HMGCL: variants seen among roughly 807,000 people sequenced by gnomAD.
HMGCL encodes the protein 3-hydroxy-3-methylglutaryl-CoA lyase, also known as hydroxymethylglutaryl-CoA lyase, mitochondrial.
Under a neutral mutation model 37.3 loss-of-function variants are expected in HMGCL, and 26 were observed. That is an observed-to-expected ratio of 0.70 (90% CI 0.51 to 0.97). HMGCL has a LOEUF of 0.97. HMGCL is among the 50% of genes least tolerant of loss of function. The probability of loss-of-function intolerance (pLI) is 0.00; values close to 1 mark genes in which losing one functional copy is unlikely to be tolerated. For synonymous variants in HMGCL, 151 were observed against 148.0 expected (o/e 1.02, Z -0.15); for missense variants, 379 against 398.1 (o/e 0.95, Z 0.41).
At chr1:23,814,496 G>A (rs184781695) in intron 4 of HMGCL, among the ~76,000 whole-genome samples, 158 bp from the exon 5 acceptor site, 179 of 152,198 alleles carry the variant, frequency 1.2e-3, no homozygotes, top group African/African-American at 4.2e-3. Flanking sequence ...TCAGCCTCCT[G>A]AGTAGCTGGG....
intron 6 of HMGCL, chr1:23,809,438 C>A (rs1191131169): frequency 6.6e-6 from 1 of 151,336 alleles, no homozygotes; most frequent in Non-Finnish European, 1.5e-5. Flanking sequence ...CGGGGTTGCA[C>A]CATGTTAGCC....
At chr1:23,817,844 G>A (rs994870635) in intron 2 of HMGCL, among the ~76,000 whole-genome samples, 1 of 152,210 alleles carries the variant, frequency 6.6e-6, no homozygotes, top group African/African-American at 2.4e-5. Flanking sequence ...CTAACCCTCT[G>A]GGGAGTATGG....
At chr1:23,805,815 G>A (rs2256179) in intron 7 of HMGCL, among the ~76,000 whole-genome samples, 87,588 of 151,878 alleles carry the variant, frequency 0.58, 25,163 homozygotes, top group South Asian at 0.71. Flanking sequence ...ATCAGAACAC[G>A]AACTGCTGAG....
In HMGCL at chr1:23,810,500, G is replaced by T. The variant is rs1047991887; in HGVS notation, c.561+236C>A. Reference sequence around the variant, plus strand: ...AACGACCAGACTGGAAACTGAATTGGAGGTTTTCAGGCTGGATAGAGGCCA... The same window carrying T: ...AACGACCAGACTGGAAACTGAATTGTAGGTTTTCAGGCTGGATAGAGGCCA... On this transcript the variant is annotated intron_variant, in intron 6 of 8. Transcript: ENST00000374490. 49 of 509,296 alleles carry T rather than the reference G, an allele frequency of 9.6e-5. 1 individual carries two copies. The highest frequency in any genetic ancestry group is 8.2e-4 in the African/African-American group (42 of 51,474). The allele number at this position is 509,296 out of a possible 1,614,324, so 31.5% of individuals were successfully genotyped here.
At chr1:23,824,508 T>C (rs1638780937) in intron 1 of HMGCL, among the ~76,000 whole-genome samples, 1 of 152,208 alleles carries the variant, frequency 6.6e-6, no homozygotes, top group South Asian at 2.1e-4. Flanking sequence ...AACGTGGCTT[T>C]CTGAGAGGGA....
chr1:23,814,521 C>T lies in HMGCL; in HGVS notation c.349-183G>A, dbSNP rs11591205. On this transcript the variant is annotated intron_variant, in intron 4 of 8. Transcript: ENST00000374490. ...GAGTAGCTGGGATTACAGGAGCCCA[C>T]CACCACGCCCGGCTAATTTTTGTAT... 0.27 allele frequency among the ~76,000 whole-genome samples: 40,333 copies of T among 152,012 alleles called. 5,983 individuals are homozygous for T. Among genetic ancestry groups the T allele is most frequent in the Non-Finnish European group, 0.34 (22,821 of 67,950 alleles).
rs988900746 is a variant in HMGCL, at chr1:23,822,405, CT to C, written c.61-1813del. Reference sequence around the variant, plus strand: ...GTCTTCCCTATCAAGTAACACAATACTTTTTTTTTCCTCTTTCCTCTACCTG... The same window carrying C: ...GTCTTCCCTATCAAGTAACACAATACTTTTTTTTCCTCTTTCCTCTACCTG... On this transcript the variant is annotated intron_variant, in intron 1 of 8. Transcript: ENST00000374490. Among the ~76,000 whole-genome samples the C allele has an allele frequency of 5.3e-5, 8 of 151,884 alleles. No homozygotes were observed. In the East Asian group the frequency reaches 5.8e-4, roughly 11 times the overall value.
intron 1 of HMGCL, among the ~76,000 whole-genome samples, chr1:23,822,896 C>T (rs1225644265): frequency 6.6e-6 from 1 of 152,156 alleles, no homozygotes; most frequent in African/African-American, 2.4e-5. Context: ...CTGCTTCAGG[C>T]CAAGCGTGGT....
intron 6 of HMGCL, among the ~76,000 whole-genome samples, chr1:23,808,607 C>T (rs947140487): frequency 6.6e-6 from 1 of 152,220 alleles, no homozygotes; most frequent in South Asian, 2.1e-4. Context: ...AGACTTCAGT[C>T]TCACTTACGG....
intron 6 of HMGCL, among the ~76,000 whole-genome samples, chr1:23,808,811 C>T (rs531806856): frequency 8.3e-5 from 12 of 144,114 alleles, no homozygotes; most frequent in South Asian, 4.3e-4. Context: ...GGTGTGATCT[C>T]GGCTTACTGC....
At chr1:23,816,018 A>T (rs546395972) in intron 4 of HMGCL, among the ~76,000 whole-genome samples, 1 of 151,516 alleles carries the variant, frequency 6.6e-6, no homozygotes, top group East Asian at 1.9e-4. Context: ...TCCTAGTCTC[A>T]AGCCATCCTG....
rs1638447044 is a variant in HMGCL at position 23,808,184 on chromosome 1, C to A, written c.701G>T (p.Cys234Phe). The A allele has an allele frequency of 6.2e-7, 1 of 1,614,096 alleles. No homozygotes were observed. The highest frequency in any genetic ancestry group is 1.3e-5 in the African/African-American group (1 of 75,032). Reference protein sequence around the residue: ...EVPLAALAVHCHDTYGQALAN... With the variant: ...EVPLAALAVHFHDTYGQALAN... ...CAGGGCTTGACCATAGGTGTCATGG[C>A]AGTGGACAGCCAGGGCAGCCAGAGG... Residue 234 changes from cysteine to phenylalanine, a missense_variant, in exon 7 of 9, where the codon TGC becomes TTC. By Grantham distance (205) the Cys-to-Phe change is radical. Coordinates refer to ENST00000374490, the MANE Select transcript of HMGCL (RefSeq NM_000191.3).
Position 23,817,484 on chromosome 1 carries a change from C to T in HMGCL, c.244G>A (p.Val82Ile), listed in dbSNP as rs538620811. The T allele has an allele frequency of 1.4e-4, 227 of 1,604,220 alleles. 2 individuals are homozygous for T. In the South Asian group the frequency reaches 1.7e-3, roughly 12 times the overall value. ...TGAGGGCTAGGGCTCACCTGGGGAA[C>T]CCACTTAGGAGACACAAAGCTGGTG... ...ETTSFVSPKW[V>I]PQMGDHTEVL... Residue 82 changes from valine (V) to isoleucine (I), a missense_variant, in exon 3 of 9, where the codon GTT becomes ATT. Physicochemically the swap from Val to Ile is conservative, Grantham distance 29. Coordinates refer to ENST00000374490, the MANE Select transcript of HMGCL (RefSeq NM_000191.3).
intron 3 of HMGCL, 40 bp from the exon 4 acceptor site, chr1:23,816,810 GCAGA>G (rs758871768): frequency 5.0e-6 from 6 of 1,208,164 alleles, no homozygotes; most frequent in African/African-American, 3.0e-5. Context: ...ATCACCAAGA[GCAGA>G]CAGAGAGTTC....
intron 8 of HMGCL, among the ~76,000 whole-genome samples, chr1:23,802,997 CTG>C (rs980635585): frequency 1.2e-4 from 18 of 152,148 alleles, no homozygotes; most frequent in African/African-American, 4.1e-4. Flanking sequence ...GAAGTGCACT[CTG>C]TGCTCAGCTC....
At chr1:23,821,801 C>T (rs1226380705) in intron 1 of HMGCL, among the ~76,000 whole-genome samples, 1 of 152,130 alleles carries the variant, frequency 6.6e-6, no homozygotes, top group Non-Finnish European at 1.5e-5. Context: ...CAACAGGTTG[C>T]TAAGCTCCCT....
In HMGCL at chr1:23,814,358, C is replaced by G. The variant is rs781425383; in HGVS notation, c.349-20G>C. 2 of 1,612,110 alleles carry G rather than the reference C, an allele frequency of 1.2e-6. No individual in the cohort carries two copies. The highest frequency in any genetic ancestry group is 1.7e-6 in the Non-Finnish European group (2 of 1,179,828). ...AGCAACCTGCCAACATCCAGGTGAACTCCTTTCAGCACTTTTCTCTTTTTT... is the reference window on the plus strand; with the variant it reads ...AGCAACCTGCCAACATCCAGGTGAAGTCCTTTCAGCACTTTTCTCTTTTTT... On this transcript the variant is annotated intron_variant, in intron 4 of 8. Coordinates refer to ENST00000374490, the MANE Select transcript of HMGCL (RefSeq NM_000191.3).
At chr1:23,821,127 G>A (rs754167127) in intron 1 of HMGCL, among the ~76,000 whole-genome samples, 6 of 150,486 alleles carry the variant, frequency 4.0e-5, no homozygotes, top group East Asian at 2.0e-4. Flanking sequence ...AGGCCGAAGC[G>A]GGCGATCACT....
Position 23,806,682 on chromosome 1 carries a change from G to C in HMGCL, c.750+1453C>G, listed in dbSNP as rs998845780. On this transcript the variant is annotated intron_variant, in intron 7 of 8. Transcript: ENST00000374490. The surrounding 1 kb of genome is among the most constrained non-coding windows in gnomAD (Gnocchi z 4.0). ...TGAACACCTGGCCTGCTGTATGTTT[G>C]TTTATTTATTATCTGTCTCATAGTA... The C allele has an allele frequency of 9.5e-6, 3 of 317,016 alleles. No homozygotes were observed. The highest frequency in any genetic ancestry group is 1.2e-5 in the Non-Finnish European group (2 of 160,982). The allele number at this position is 317,016 out of a possible 1,614,324, so 19.6% of individuals were successfully genotyped here. A position where few individuals can be genotyped will look rare whatever the true frequency, so the allele number is the denominator to read the frequency against.
Sources: allele counts gnomAD v4.1 joint callset (sites outside exome capture counted in the v4.1 genomes callset), GRCh38; gene constraint gnomAD v4.1.1; non-coding constraint Gnocchi (gnomAD v3.1); transcripts MANE v1.5; gene names NCBI Gene and HGNC (gene_info 2026-07-23, HGNC 2026-07-21).